SYT9: variants seen among roughly 807,000 people sequenced by gnomAD.
SYT9 encodes the protein synaptotagmin-9.
Under a neutral mutation model 48.4 loss-of-function variants are expected in SYT9, and 22 were observed. That is an observed-to-expected ratio of 0.45 (90% CI 0.32 to 0.65). The LOEUF (loss-of-function observed/expected upper bound fraction) is 0.65. Among genes scored for constraint, SYT9 ranks in the 30% least tolerant of loss-of-function variants. The pLI, the probability that SYT9 is intolerant of heterozygous loss-of-function variation, is 0.03. For synonymous variants in SYT9, 265 were observed against 245.0 expected (o/e 1.08, Z -0.76); for missense variants, 577 against 622.0 (o/e 0.93, Z 0.77).
At chr11:7,240,912 C>G (rs75496074) in intron 1 of SYT9, among the ~76,000 whole-genome samples, 3,452 of 152,038 alleles carry the variant, frequency 0.023, 154 homozygotes, top group African/African-American at 0.08. Flanking sequence ...TACACCACAC[C>G]CTCAGAAGGG....
chr11:7,342,694 A>C (rs1376632249), intron 3 of SYT9, among the ~76,000 whole-genome samples: 1 of 152,182 alleles, frequency 6.6e-6, no homozygotes. Flanking sequence ...TCTCGAGGAC[A>C]GTGACCCTCT....
At chr11:7,247,577 A>G (rs1470273573), upstream of SYT9, among the ~76,000 whole-genome samples, 2 of 147,826 alleles carry the variant, frequency 1.4e-5, no homozygotes, top group East Asian at 3.9e-4. Flanking sequence ...ATACACATAT[A>G]CATATATATG....
At chr11:7,363,679 T>A (rs1004642985) in intron 3 of SYT9, among the ~76,000 whole-genome samples, 3 of 151,932 alleles carry the variant, frequency 2.0e-5, no homozygotes, top group Admixed American at 2.0e-4. Flanking sequence ...GCAAAGGAAA[T>A]TGAAAAGATA....
At chr11:7,314,503 A>G (rs887421442) in intron 3 of SYT9, among the ~76,000 whole-genome samples, 2 of 152,256 alleles carry the variant, frequency 1.3e-5, no homozygotes, top group African/African-American at 4.8e-5. Flanking sequence ...AAAAGAAACT[A>G]TAGATAATGG....
rs138366904 is a variant in SYT9, at chr11:7,302,639, G to A, written c.146-400G>A. Among the ~76,000 whole-genome samples the A allele has an allele frequency of 3.3e-3, 496 of 152,334 alleles. 5 individuals carry two copies. The highest frequency in any genetic ancestry group is 0.012 in the African/African-American group (488 of 41,572). The stretch of plus-strand genomic sequence containing the variant: ...CCAATTATATTATACAGCTCTCTGA[G>A]ATGACAGAATAATTGTTAAGGACAT... On this transcript the variant is annotated intron_variant, in intron 1 of 6. Transcript: ENST00000318881.
intron 3 of SYT9, among the ~76,000 whole-genome samples, chr11:7,384,067 C>CA: frequency 5.6e-5 from 1 of 18,010 alleles, no homozygotes; most frequent in Non-Finnish European, 2.3e-4. Flanking sequence ...ACTAGCCACA[C>CA]ACACACACAC....
At chr11:7,339,263 C>A (rs1050430522) in intron 3 of SYT9, among the ~76,000 whole-genome samples, 2 of 152,098 alleles carry the variant, frequency 1.3e-5, no homozygotes, top group Admixed American at 6.6e-5. Context: ...TGGAATGGGT[C>A]TCTTGAAGAC....
rs192328653 is a variant in SYT9, at chr11:7,375,348, C to T, written c.1045-40694C>T. Among the ~76,000 whole-genome samples, 791 of 152,116 alleles carry T rather than the reference C, an allele frequency of 5.2e-3. 4 individuals are homozygous for T. The highest frequency in any genetic ancestry group is 0.017 in the African/African-American group (720 of 41,484). On this transcript the variant is annotated intron_variant, in intron 3 of 6. Coordinates refer to ENST00000318881, the MANE Select transcript of SYT9 (RefSeq NM_175733.4). ...TGTGATGTAGTTTGAAATCAGGTAG[C>T]GTGATGCCTCCAGCTTTGTTCTTTT... is the stretch of plus-strand genomic sequence containing the variant.
chr11:7,335,057 T>C (rs1345717478), intron 3 of SYT9, among the ~76,000 whole-genome samples: 1 of 152,208 alleles, frequency 6.6e-6, no homozygotes. Flanking sequence ...CTAAACTGTT[T>C]ACCAAAATGA....
chr11:7,273,828 C>T (rs1702751141), intron 1 of SYT9, among the ~76,000 whole-genome samples: 1 of 152,070 alleles, frequency 6.6e-6, no homozygotes. Context: ...CATGTTCTCA[C>T]TCATAAGTGG....
intron 4 of SYT9, among the ~76,000 whole-genome samples, chr11:7,417,021 C>T (rs1847264009): frequency 6.6e-6 from 1 of 152,152 alleles, no homozygotes; most frequent in Non-Finnish European, 1.5e-5. Flanking sequence ...CCTCTATATG[C>T]ATTGCTAACT....
intron 3 of SYT9, among the ~76,000 whole-genome samples, chr11:7,368,905 T>C (rs1429339379): frequency 3.3e-5 from 5 of 152,308 alleles, no homozygotes; most frequent in South Asian, 4.1e-4. Flanking sequence ...TGGGTGGTTC[T>C]AAGTCTTTGC....
At chr11:7,263,859 A>AT (rs1451956070) in intron 1 of SYT9, among the ~76,000 whole-genome samples, 1 of 150,562 alleles carries the variant, frequency 6.6e-6, no homozygotes, top group African/African-American at 2.4e-5. Context: ...AGTATAAGCC[A>AT]TTTTTTGGAA....
chr11:7,407,627 G>C (rs1217643318), intron 3 of SYT9, among the ~76,000 whole-genome samples: 1 of 52,204 alleles, frequency 1.9e-5, no homozygotes, highest in Non-Finnish European at 3.7e-5. Context: ...TGATCCACCC[G>C]CCTCGGCCTC....
intron 6 of SYT9, among the ~76,000 whole-genome samples, chr11:7,429,403 T>C (rs1391109861): frequency 6.6e-6 from 1 of 152,184 alleles, no homozygotes; most frequent in Non-Finnish European, 1.5e-5. Context: ...TGGATCTCTA[T>C]AGAAGATCCA....
intron 6 of SYT9, among the ~76,000 whole-genome samples, chr11:7,430,495 C>A (rs901232246): frequency 6.6e-6 from 1 of 152,240 alleles, no homozygotes; most frequent in African/African-American, 2.4e-5. Context: ...TGCTTAGATG[C>A]TTTACATATT....
intron 3 of SYT9, among the ~76,000 whole-genome samples, chr11:7,343,535 G>C (rs886126148): frequency 8.5e-5 from 13 of 152,156 alleles, no homozygotes; most frequent in African/African-American, 3.1e-4. Flanking sequence ...ACCTCAGCCT[G>C]GATTTAATGG....
intron 3 of SYT9, among the ~76,000 whole-genome samples, chr11:7,344,504 G>C (rs561240308): frequency 2.9e-4 from 44 of 152,018 alleles, no homozygotes; most frequent in Non-Finnish European, 5.4e-4. Context: ...TTTTTTTACT[G>C]TTTTACTCTA....
chr11:7,367,753 G>A (rs1850280202), intron 3 of SYT9, among the ~76,000 whole-genome samples: 1 of 147,678 alleles, frequency 6.8e-6, no homozygotes, highest in Admixed American at 6.8e-5. Context: ...GATACAAAAT[G>A]TTTTTCCACT....
Sources: gnomAD v4.1 joint callset for allele counts (sites outside exome capture counted in the v4.1 genomes callset) on GRCh38, gnomAD v4.1.1 for gene constraint, MANE v1.5 for transcripts, NCBI Gene and HGNC (gene_info 2026-07-23, HGNC 2026-07-21) for gene names.